CLSTN2: variants seen among roughly 807,000 people sequenced by gnomAD.
CLSTN2 encodes the protein calsyntenin 2.
Under a neutral mutation model 101.2 loss-of-function variants are expected in CLSTN2, and 48 were observed. The observed-to-expected ratio is 0.47, with a 90% CI of 0.38 to 0.60. The LOEUF is 0.60. Among genes scored for constraint, CLSTN2 ranks in the 20% least tolerant of loss-of-function variants. The probability of loss-of-function intolerance (pLI) is 0.00; values close to 1 mark genes in which losing one functional copy is unlikely to be tolerated. For synonymous variants in CLSTN2, 481 were observed against 463.6 expected, an observed-to-expected ratio of 1.04 and a Z score of -0.48; for missense variants, 1,160 against 1,238.2, an observed-to-expected ratio of 0.94 and a Z score of 0.95.
chr3:140,410,272 C>G (rs1022133931), intron 4 of CLSTN2, among the ~76,000 whole-genome samples: 2 of 151,684 alleles, frequency 1.3e-5, no homozygotes, highest in African/African-American at 4.8e-5. Flanking sequence ...AAATCAAAGA[C>G]ACAGCGAATT....
chr3:140,192,915 G>A (rs555953191), intron 2 of CLSTN2, among the ~76,000 whole-genome samples: 1 of 151,886 alleles, frequency 6.6e-6, no homozygotes, highest in South Asian at 2.1e-4. Flanking sequence ...ACTCTATATT[G>A]ATATAACTAT....
At chr3:140,564,523 T>G (rs1411387393) in intron 16 of CLSTN2, among the ~76,000 whole-genome samples, 1 of 151,970 alleles carries the variant, frequency 6.6e-6, no homozygotes, top group Non-Finnish European at 1.5e-5. Context: ...CAGTGCAAAT[T>G]AGATGGCTTT....
chr3:140,521,281 C>T lies in CLSTN2; in HGVS notation c.1345-11043C>T, dbSNP rs553122388. Reference sequence around the variant, plus strand: ...TCATCTTTGTGGGCTTTTCTACCTTCGATCTTTGAGGTTGCTGACCTTTGA... The same window carrying T: ...TCATCTTTGTGGGCTTTTCTACCTTTGATCTTTGAGGTTGCTGACCTTTGA... On this transcript the variant is annotated intron_variant, in intron 8 of 16. Transcript: ENST00000458420. Among the ~76,000 whole-genome samples the T allele has an allele frequency of 2.0e-3, 302 of 152,234 alleles. 1 individual carries two copies. Among genetic ancestry groups the T allele is most frequent in the African/African-American group, 6.8e-3 (281 of 41,532 alleles).
intron 2 of CLSTN2, among the ~76,000 whole-genome samples, chr3:140,203,461 G>GTTTTTTTT (rs58182333): frequency 7.4e-5 from 5 of 67,916 alleles, no homozygotes; most frequent in Non-Finnish European, 1.1e-4. Context: ...GAAAGTGTGG[G>GTTTTTTTT]TTTTTTTTTT....
chr3:140,386,165 C>G (rs7650468), intron 2 of CLSTN2, among the ~76,000 whole-genome samples: 2,964 of 152,274 alleles, frequency 0.019, 105 homozygotes, highest in African/African-American at 0.068. Context: ...TAGCCCAATA[C>G]AGTATAATCT....
chr3:140,225,036 C>T (rs185687801), intron 2 of CLSTN2, among the ~76,000 whole-genome samples: 75 of 152,318 alleles, frequency 4.9e-4, no homozygotes, highest in Non-Finnish European at 4.4e-5. Context: ...ATGCTGGGCC[C>T]ATCCAGGTTG....
intron 9 of CLSTN2, among the ~76,000 whole-genome samples, chr3:140,546,303 C>T (rs1038437215): frequency 1.3e-5 from 2 of 152,220 alleles, no homozygotes; most frequent in Admixed American, 1.3e-4. Context: ...TGCCAGGATT[C>T]CTAAATCTGG....
At chr3:140,092,983 C>T (rs76893826) in intron 1 of CLSTN2, among the ~76,000 whole-genome samples, 5,891 of 152,242 alleles carry the variant, frequency 0.039, 160 homozygotes, top group Non-Finnish European at 0.06. Context: ...TTGGAAGCCA[C>T]TAGATTTATC....
At chr3:140,108,764 C>T (rs566165305) in intron 1 of CLSTN2, among the ~76,000 whole-genome samples, 24 of 152,238 alleles carry the variant, frequency 1.6e-4, no homozygotes, top group African/African-American at 4.8e-4. Flanking sequence ...GTAAGAAGCA[C>T]GCATCTAAAT....
intron 1 of CLSTN2, among the ~76,000 whole-genome samples, chr3:139,955,662 GTCATCT>G (rs1935381819): frequency 1.5e-4 from 1 of 6,576 alleles, no homozygotes; most frequent in African/African-American, 1.9e-4. Flanking sequence ...CCTCTTCGAA[GTCATCT>G]AGAGCTAGGC....
At chr3:140,332,705 CA>C (rs66752830) in intron 2 of CLSTN2, among the ~76,000 whole-genome samples, 8,672 of 139,132 alleles carry the variant, frequency 0.062, 715 homozygotes, top group African/African-American at 0.21. Context: ...TCTTTTCTGG[CA>C]AAAAAAAAAA....
At chr3:139,947,256 A>C (rs942764807) in intron 1 of CLSTN2, among the ~76,000 whole-genome samples, 1 of 152,220 alleles carries the variant, frequency 6.6e-6, no homozygotes, top group African/African-American at 2.4e-5. Context: ...CTGCAGTTAG[A>C]AAATAACCTA....
intron 6 of CLSTN2, among the ~76,000 whole-genome samples, chr3:140,456,374 A>T (rs1025646154): frequency 6.6e-6 from 1 of 152,192 alleles, no homozygotes; most frequent in African/African-American, 2.4e-5. Flanking sequence ...CTGGAATCTT[A>T]ACGATATTCA....
chr3:140,002,824 T>TC (rs965367367), intron 1 of CLSTN2, among the ~76,000 whole-genome samples: 17 of 152,102 alleles, frequency 1.1e-4, no homozygotes, highest in African/African-American at 4.1e-4. Context: ...GACTGTATTT[T>TC]CCCCCCAATG....
intron 2 of CLSTN2, among the ~76,000 whole-genome samples, chr3:140,367,688 A>AGCATTTTTAATACACG (rs1217908278): frequency 6.6e-6 from 1 of 152,218 alleles, no homozygotes; most frequent in East Asian, 1.9e-4. Flanking sequence ...GGGGCTCCAC[A>AGCATTTTTAATACACG]GCATTTTTAA....
chr3:140,171,240 G>A (rs1332199741), intron 1 of CLSTN2, among the ~76,000 whole-genome samples: 1 of 152,100 alleles, frequency 6.6e-6, no homozygotes, highest in African/African-American at 2.4e-5. Context: ...CTGTGAAAAT[G>A]GATGTACCTA....
chr3:140,062,503 C>T (rs1022479182), intron 1 of CLSTN2, among the ~76,000 whole-genome samples: 4 of 152,160 alleles, frequency 2.6e-5, no homozygotes, highest in African/African-American at 9.7e-5. Flanking sequence ...TAATCTATTA[C>T]CCAGTTCCAT....
At chr3:140,184,093 G>A (rs1353223870) in intron 2 of CLSTN2, among the ~76,000 whole-genome samples, 1 of 152,178 alleles carries the variant, frequency 6.6e-6, no homozygotes, top group African/African-American at 2.4e-5. Flanking sequence ...CTGTTAATGA[G>A]TAGGCTGTAG....
At chr3:140,314,333 A>G (rs1317578477) in intron 2 of CLSTN2, among the ~76,000 whole-genome samples, 3 of 152,052 alleles carry the variant, frequency 2.0e-5, no homozygotes, top group Non-Finnish European at 4.4e-5. Context: ...TTCTATTATC[A>G]TGGTTTAAAT....
Sources: allele counts gnomAD v4.1 joint callset (sites outside exome capture counted in the v4.1 genomes callset), GRCh38; gene constraint gnomAD v4.1.1; transcripts MANE v1.5; gene names NCBI Gene and HGNC (gene_info 2026-07-23, HGNC 2026-07-21).